ITGAD: variants seen among roughly 807,000 people sequenced by gnomAD.
The protein encoded by ITGAD is integrin alpha-D.
Under a neutral mutation model 139.0 loss-of-function variants are expected in ITGAD, and 105 were observed. The observed-to-expected ratio is 0.76, with a 90% CI of 0.65 to 0.89. ITGAD has a LOEUF of 0.89. Among genes scored for constraint, ITGAD ranks in the 40% least tolerant of loss-of-function variants. ITGAD has a pLI of 0.00. For missense variants in ITGAD, 1,384 were observed against 1,487.3 expected (o/e 0.93, Z 1.14); for synonymous variants, 569 against 598.3 (o/e 0.95, Z 0.71).
chr16:31,418,591 G>T, intron 23 of ITGAD, 27 bp downstream of exon 23: 3 of 1,566,126 alleles, frequency 1.9e-6, no homozygotes, highest in African/African-American at 1.4e-5. Flanking sequence ...CTTCCCCTTG[G>T]ACCTCTGGCC....
At chr16:31,394,585 G>A (rs1002233076) in intron 2 of ITGAD, among the ~76,000 whole-genome samples, 12 of 152,182 alleles carry the variant, frequency 7.9e-5, no homozygotes, top group African/African-American at 2.7e-4. Flanking sequence ...CCCAGGCAGG[G>A]CCCACTTCTT....
Position 31,393,600 on chromosome 16 carries a change from C to T in ITGAD, c.31+209C>T, listed in dbSNP as rs774593212. Among the ~76,000 whole-genome samples the T allele has an allele frequency of 2.0e-5, 3 of 152,060 alleles. No individual in the cohort carries two copies. The East Asian group carries it at 5.8e-4, about 29-fold the overall frequency. Reference sequence around the variant, plus strand: ...GGGCTGTGCTCAGGTGGCGACTAAGCTACCTCTCCAGCTGGCTATGTTGTC... The same window carrying T: ...GGGCTGTGCTCAGGTGGCGACTAAGTTACCTCTCCAGCTGGCTATGTTGTC... On this transcript the variant is annotated intron_variant, in intron 1 of 29. Transcript: ENST00000389202.
intron 27 of ITGAD, 27 bp from the exon 28 acceptor site, chr16:31,424,075 C>A (rs377501194): frequency 1.1e-4 from 184 of 1,613,994 alleles, no homozygotes; most frequent in Middle Eastern, 1.7e-4. Context: ...GAGCCAGTTC[C>A]ACAGGTTTCC....
intron 14 of ITGAD, among the ~76,000 whole-genome samples, chr16:31,411,800 G>T (rs1170602291): frequency 6.6e-6 from 1 of 152,220 alleles, no homozygotes; most frequent in Admixed American, 6.5e-5. Flanking sequence ...GACAGCCTTG[G>T]TCAGCCTTAG....
rs776307544 is a variant in ITGAD, at chr16:31,423,098, C to T, written c.2781-16C>T. ...CAGTTTCAGGGCTGTTTTTCACCCA[C>T]AGGCTCTCTCTCCAGGCAGGAAGAA... On this transcript the variant is annotated splice_polypyrimidine_tract_variant and intron_variant, in intron 23 of 29. Coordinates refer to ENST00000389202, the MANE Select transcript of ITGAD (RefSeq NM_005353.3). 12 of 1,611,364 alleles carry T rather than the reference C, an allele frequency of 7.4e-6. No homozygotes were observed. Among genetic ancestry groups the T allele is most frequent in the South Asian group, 1.1e-5 (1 of 91,026 alleles).
chr16:31,424,723 G>T (rs1197419107), intron 29 of ITGAD, 146 bp downstream of exon 29: 4 of 542,980 alleles, frequency 7.4e-6, no homozygotes, highest in Non-Finnish European at 9.7e-6. Flanking sequence ...TCAGCCTCCC[G>T]AGTAGCTGGG....
Position 31,426,132 on chromosome 16 carries a change from T to C in ITGAD, c.*4T>C, listed in dbSNP as rs1327253168. The C allele has an allele frequency of 6.3e-7, 1 of 1,581,978 alleles. No homozygotes were observed. Among genetic ancestry groups the C allele is most frequent in the African/African-American group, 1.3e-5 (1 of 74,276 alleles). On this transcript the variant is annotated 3_prime_UTR_variant, in exon 30 of 30. Transcript: ENST00000389202. ...CCCAAATGTGCCTTTGTCCTAATAA[T>C]CCACTTTCCTGTTTATCTCTACCAC...
rs1161294516 is a variant in ITGAD at position 31,424,143 on chromosome 16, T to TA, written c.3202dup (p.Thr1068AsnfsTer74). 6.2e-7 allele frequency: 1 copy of TA among 1,614,090 alleles called. No individual in the cohort carries two copies. Among genetic ancestry groups the TA allele is most frequent in the African/African-American group, 1.3e-5 (1 of 74,916 alleles). ...TGTTGGTCGTGAGTGTGGCTGAAAT[T>TA]ACGTTCGACACATCCGTGTACTCCC... On this transcript the variant is annotated frameshift_variant, in exon 28 of 30. Transcript: ENST00000389202. LOFTEE classifies it high-confidence loss of function.
Position 31,409,911 on chromosome 16 carries a change from CAAAAAAAA to C in ITGAD, c.1084-471_1084-464del, listed in dbSNP as rs11447533. On this transcript the variant is annotated intron_variant, in intron 10 of 29. Transcript: ENST00000389202. Reference sequence around the variant, plus strand: ...TGTGTGACAGAGCAACAGCCTGTCTCAAAAAAAAAAAAAAAAAAAAGAAAGGATGAAGT... The same window carrying C: ...TGTGTGACAGAGCAACAGCCTGTCTCAAAAAAAAAAAAGAAAGGATGAAGT... 4.5e-5 allele frequency among the ~76,000 whole-genome samples: 4 copies of C among 89,758 alleles called. No individual in the cohort carries two copies. In the South Asian group the frequency reaches 1.7e-3, roughly 38 times the overall value. The allele number at this position is 89,758 out of a possible 152,430, so 58.9% of individuals were successfully genotyped here. A position where few individuals can be genotyped will look rare whatever the true frequency, so the allele number is the denominator to read the frequency against.
chr16:31,399,045 G>C (rs553337367), intron 5 of ITGAD, among the ~76,000 whole-genome samples: 1 of 152,162 alleles, frequency 6.6e-6, no homozygotes, highest in Non-Finnish European at 1.5e-5. Flanking sequence ...CGGAAAATGC[G>C]ATGTGCAATT....
intron 2 of ITGAD, among the ~76,000 whole-genome samples, chr16:31,396,030 C>T (rs1188917607): frequency 6.6e-6 from 1 of 152,122 alleles, no homozygotes; most frequent in African/African-American, 2.4e-5. Flanking sequence ...CATGTGCGTG[C>T]CTGGGTGAGC....
chr16:31,408,297 T>C (rs1001923513), intron 9 of ITGAD, 128 bp from the exon 10 acceptor site: 16 of 763,292 alleles, frequency 2.1e-5, no homozygotes, highest in East Asian at 2.6e-5. Flanking sequence ...TGATGGGCCA[T>C]TCCTGTTCAC....
intron 6 of ITGAD, chr16:31,402,999 A>T (rs2081445092): frequency 6.6e-6 from 1 of 152,484 alleles, no homozygotes; most frequent in African/African-American, 2.4e-5. Flanking sequence ...TGGTTGGCAA[A>T]GTTATTTTTA....
At chr16:31,412,741 C>A in intron 14 of ITGAD, 97 bp from the exon 15 acceptor site, 2 of 1,504,440 alleles carry the variant, frequency 1.3e-6, no homozygotes, top group Non-Finnish European at 1.8e-6. Flanking sequence ...CCCTTCTCTC[C>A]CTTTGCCACC....
rs780521147 is a variant in ITGAD at position 31,413,294 on chromosome 16, GC to G, written c.1996+52del. 1.9e-6 allele frequency: 3 copies of G among 1,592,484 alleles called. No homozygotes were observed. The Admixed American group carries it at 5.3e-5, about 28-fold the overall frequency. On this transcript the variant is annotated intron_variant, in intron 16 of 29. Transcript: ENST00000389202. ...GCCCAGGCCCCTCATTCCATTAGGGGCCCCAATGCCATCCTGAGGATGGGAT... is the reference window on the plus strand; with the variant it reads ...GCCCAGGCCCCTCATTCCATTAGGGGCCCAATGCCATCCTGAGGATGGGAT...
chr16:31,398,990 C>T (rs1356647164), intron 5 of ITGAD, among the ~76,000 whole-genome samples: 1 of 152,154 alleles, frequency 6.6e-6, no homozygotes, highest in Non-Finnish European at 1.5e-5. Flanking sequence ...TTCCAGGATT[C>T]CCCAAACTAA....
At position 31,412,888 on chromosome 16, in the gene ITGAD, G is replaced by T. The variant is rs773510109; in HGVS notation, c.1758G>T (p.Ala586=). ...CCAGGCTGCAGTATTTTGGGCAGGC[G>T]CTGAGTGGGGGTCAGGACCTCACCC... ...LSPRLQYFGQ[A]LSGGQDLTQD... Residue 586 remains alanine (A), a synonymous_variant, in exon 15 of 30, where the codon GCG becomes GCT. Transcript: ENST00000389202. 1 of 1,613,984 alleles carries T rather than the reference G, an allele frequency of 6.2e-7. No homozygotes were observed. The highest frequency in any genetic ancestry group is 8.5e-7 in the Non-Finnish European group (1 of 1,180,012).
At chr16:31,397,997 G>A in intron 5 of ITGAD, 88 bp downstream of exon 5, 1 of 1,016,550 alleles carries the variant, frequency 9.8e-7, no homozygotes, top group Non-Finnish European at 1.4e-6. Flanking sequence ...GGGCCCCTGT[G>A]CCCTCCCTGG....
chr16:31,414,633 G>A (rs755431280), intron 17 of ITGAD, 28 bp downstream of exon 17: 55 of 1,612,736 alleles, frequency 3.4e-5, no homozygotes, highest in Non-Finnish European at 3.8e-5. Flanking sequence ...TGGGAAGGGG[G>A]AGAGAGGAGG....
Sources: gnomAD v4.1 joint callset for allele counts (sites outside exome capture counted in the v4.1 genomes callset) on GRCh38, gnomAD v4.1.1 for gene constraint, MANE v1.5 for transcripts, NCBI Gene and HGNC (gene_info 2026-07-23, HGNC 2026-07-21) for gene names.